TRMO: variants seen among roughly 807,000 people sequenced by gnomAD.
TRMO encodes the protein tRNA (adenine(37)-N6)-methyltransferase.
TRMO carries 30 observed loss-of-function variants against 37.2 expected under a neutral mutation model. That is an observed-to-expected ratio of 0.81 (90% CI 0.60 to 1.09). The LOEUF is 1.09. Ranked by LOEUF, TRMO falls within the 50% of genes least tolerant of loss-of-function variation. The pLI, the probability that TRMO is intolerant of heterozygous loss-of-function variation, is 0.00. For synonymous variants in TRMO, 239 were observed against 199.4 expected, an observed-to-expected ratio of 1.20 and a Z score of -1.67; for missense variants, 552 against 549.5, an observed-to-expected ratio of 1.00 and a Z score of -0.05.
Position 97,904,595 on chromosome 9 carries a change from C to T in TRMO, c.*138G>A, listed in dbSNP as rs1010773321. 2 of 1,494,356 alleles carry T rather than the reference C, an allele frequency of 1.3e-6. No individual in the cohort carries two copies. The highest frequency in any genetic ancestry group is 1.8e-6 in the Non-Finnish European group (2 of 1,126,866). 92.6% of individuals were successfully genotyped at this position (1,494,356 alleles called of 1,614,324 possible). A position where few individuals can be genotyped will look rare whatever the true frequency, so the allele number is the denominator to read the frequency against. On this transcript the variant is annotated 3_prime_UTR_variant, in exon 5 of 5. Transcript: ENST00000375119. ...TTAATGTATACGTTTTTCAAATAAA[C>T]ATTTTGAACAGCCCAAATCAATCAA...
At chr9:97,898,824 C>CATATATAT in the TRMO span, among the ~76,000 whole-genome samples, 22 of 123,240 alleles carry the variant, frequency 1.8e-4, no homozygotes, top group African/African-American at 7.3e-4. Flanking sequence ...ATTGCATTTT[C>CATATATAT]ATATATATAT....
At chr9:97,914,084 G>C (rs1826248440) in intron 2 of TRMO, 1 of 153,050 alleles carries the variant, frequency 6.5e-6, no homozygotes, top group African/African-American at 2.4e-5. Flanking sequence ...TTGAACTCAT[G>C]AAATCATTAC....
chr9:97,910,354 GTCT>G lies in TRMO; in HGVS notation c.669_671del (p.Glu223del). 2 of 1,614,152 alleles carry G rather than the reference GTCT, an allele frequency of 1.2e-6. No individual in the cohort carries two copies. Among genetic ancestry groups the G allele is most frequent in the Non-Finnish European group, 1.7e-6 (2 of 1,180,010 alleles). Reference sequence around the variant, plus strand: ...TCAGGTAGTTTTCTTCTGAAGTTCTGTCTTCAGGACATTTAGGTTTCCTCTTAG... The same window carrying G: ...TCAGGTAGTTTTCTTCTGAAGTTCTGTCAGGACATTTAGGTTTCCTCTTAG... On this transcript the variant is annotated inframe_deletion, in exon 4 of 5. Coordinates refer to ENST00000375119, the MANE Select transcript of TRMO (RefSeq NM_016481.5).
At chr9:97,910,819 T>C in intron 3 of TRMO, 1 of 631,320 alleles carries the variant, frequency 1.6e-6, no homozygotes, top group South Asian at 1.9e-5. Context: ...TACTTGCTCT[T>C]TGAGGCCCTC....
chr9:97,908,107 C>A (rs911584716), intron 4 of TRMO, among the ~76,000 whole-genome samples: 1 of 151,930 alleles, frequency 6.6e-6, no homozygotes, highest in African/African-American at 2.4e-5. Flanking sequence ...AAATGAGACC[C>A]CGTCTCTTTA....
intron 1 of TRMO, among the ~76,000 whole-genome samples, chr9:97,920,629 A>C (rs1826582349): frequency 1.3e-5 from 2 of 152,260 alleles, no homozygotes; most frequent in African/African-American, 2.4e-5. Context: ...AACTGTATTA[A>C]CTGTGTAATA....
At chr9:97,907,187 G>A (rs1268818517) in intron 4 of TRMO, among the ~76,000 whole-genome samples, 1 of 152,238 alleles carries the variant, frequency 6.6e-6, no homozygotes, top group Non-Finnish European at 1.5e-5. Flanking sequence ...GTCCAGAAGT[G>A]CAGGGGGTGC....
chr9:97,907,002 C>T (rs1825884022), intron 4 of TRMO, among the ~76,000 whole-genome samples: 1 of 152,184 alleles, frequency 6.6e-6, no homozygotes, highest in Non-Finnish European at 1.5e-5. Flanking sequence ...TTACAACTGA[C>T]CAGCCTCCTC....
the TRMO span, among the ~76,000 whole-genome samples, chr9:97,897,544 T>C: frequency 6.6e-6 from 1 of 152,232 alleles, no homozygotes; most frequent in Admixed American, 6.5e-5. Flanking sequence ...ACCCCTCTTC[T>C]AAGTGGTGGT....
chr9:97,907,876 T>C (rs951706978), intron 4 of TRMO, among the ~76,000 whole-genome samples: 1 of 152,150 alleles, frequency 6.6e-6, no homozygotes, highest in Non-Finnish European at 1.5e-5. Flanking sequence ...GCACTGGCTG[T>C]CCCTCAGGCC....
chr9:97,901,888 C>T (rs1831177161), downstream of TRMO, among the ~76,000 whole-genome samples: 1 of 152,148 alleles, frequency 6.6e-6, no homozygotes, highest in Non-Finnish European at 1.5e-5. Flanking sequence ...CAGAGATGCA[C>T]ATTTCCTCAC....
chr9:97,918,687 CTTTA>C (rs1479898513), intron 1 of TRMO, among the ~76,000 whole-genome samples: 3 of 152,134 alleles, frequency 2.0e-5, no homozygotes, highest in Non-Finnish European at 2.9e-5. Context: ...CTAGAAGCTA[CTTTA>C]TTTGATATAT....
At chr9:97,921,573 C>A (rs1047050712) in intron 1 of TRMO, among the ~76,000 whole-genome samples, 2 of 152,052 alleles carry the variant, frequency 1.3e-5, no homozygotes, top group African/African-American at 2.4e-5. Flanking sequence ...CAGGAGCCCA[C>A]CACCACGCCC....
intron 1 of TRMO, among the ~76,000 whole-genome samples, chr9:97,917,133 A>G (rs1826407302): frequency 6.6e-6 from 1 of 152,206 alleles, no homozygotes; most frequent in Non-Finnish European, 1.5e-5. Context: ...ACACAAAAGT[A>G]AATGAGAAAT....
the TRMO span, among the ~76,000 whole-genome samples, chr9:97,898,857 T>A: frequency 6.9e-6 from 1 of 143,924 alleles, no homozygotes; most frequent in Non-Finnish European, 1.5e-5. Flanking sequence ...TTTTTTTTTT[T>A]TAGATGGAGA....
chr9:97,910,062 G>T lies in TRMO; in HGVS notation c.964C>A (p.Arg322Ser). The T allele has an allele frequency of 6.2e-7, 1 of 1,613,282 alleles. No homozygotes were observed. The highest frequency in any genetic ancestry group is 8.5e-7 in the Non-Finnish European group (1 of 1,179,334). Residue 322 changes from arginine to serine, a missense_variant, in exon 4 of 5, where the codon CGC (arginine) becomes AGC (serine). Coordinates refer to ENST00000375119, the MANE Select transcript of TRMO (RefSeq NM_016481.5). Reference sequence around the variant, plus strand: ...GTCACCCAGGCAGGAACCACGCTGCGGGGAGCTCCATCAGCCCTTCCAGCA... The same window carrying T: ...GTCACCCAGGCAGGAACCACGCTGCTGGGAGCTCCATCAGCCCTTCCAGCA... The part of the protein sequence containing the change: ...CPAGRADGAP[R>S]SVVPAWVTEA...
chr9:97,903,800 A>G (rs1251617049), downstream of TRMO, among the ~76,000 whole-genome samples: 2 of 152,206 alleles, frequency 1.3e-5, no homozygotes, highest in African/African-American at 4.8e-5. Flanking sequence ...ATATTAAAAA[A>G]CAGTAATTAT....
rs1241273511 is a variant in TRMO at position 97,910,011 on chromosome 9, C to T, written c.1015G>A (p.Val339Met). 3.1e-6 allele frequency: 5 copies of T among 1,598,272 alleles called. No individual in the cohort carries two copies. The African/African-American group carries it at 6.7e-5, about 22-fold the overall frequency. The change falls in exon 4 of 5, where the codon GTG becomes ATG. Residue 339 changes from valine (V) to methionine (M), a missense_variant. Transcript: ENST00000375119. ...ATCTCGGCATGAGGAGTAAACCGCA[C>T]TTCTAAAGTGGCCACAGGAGCCTCT... is the stretch of plus-strand genomic sequence containing the variant. ...VTEAPVATLE[V>M]RFTPHAEMDL...
chr9:97,902,192 A>G (rs10984253), downstream of TRMO, among the ~76,000 whole-genome samples: 110,321 of 152,226 alleles, frequency 0.72, 41,365 homozygotes, highest in East Asian at 0.92. Context: ...GGTCAGGGGT[A>G]TATACCTCAT....
Sources: gnomAD v4.1 joint callset for allele counts (sites outside exome capture counted in the v4.1 genomes callset) on GRCh38, gnomAD v4.1.1 for gene constraint, MANE v1.5 for transcripts, NCBI Gene and HGNC (gene_info 2026-07-23, HGNC 2026-07-21) for gene names.